The following IGSF5 variants were observed in gnomAD, a reference collection of about 807,000 sequenced individuals.
The protein encoded by IGSF5 is immunoglobulin superfamily member 5.
In IGSF5, 41 loss-of-function variants were observed where a neutral mutation model predicts 39.4. The ratio of observed to expected loss-of-function variants is 1.04; its 90% CI spans 0.81 to 1.35. The LOEUF (loss-of-function observed/expected upper bound fraction) is 1.35, where lower values mean the gene tolerates loss of function less well. IGSF5 is among the 40% of genes most tolerant of loss of function. IGSF5 has a pLI of 0.00. For synonymous variants in IGSF5, 183 were observed against 175.3 expected (o/e 1.04, Z -0.34); for missense variants, 487 against 494.6 (o/e 0.98, Z 0.15).
intron 2 of IGSF5, among the ~76,000 whole-genome samples, chr21:39,757,395 C>T (rs914574733): frequency 6.6e-6 from 1 of 151,960 alleles, no homozygotes; most frequent in Non-Finnish European, 1.5e-5. Flanking sequence ...GGTGAGGCTA[C>T]ACCATCTGCA....
intron 5 of IGSF5, among the ~76,000 whole-genome samples, chr21:39,783,511 A>G (rs1455921669): frequency 2.0e-5 from 3 of 152,132 alleles, no homozygotes; most frequent in Non-Finnish European, 4.4e-5. Flanking sequence ...TTACATGTCT[A>G]AGAAGACATC....
chr21:39,740,156 G>C, the IGSF5 span, among the ~76,000 whole-genome samples: 3 of 152,194 alleles, frequency 2.0e-5, no homozygotes, highest in Non-Finnish European at 4.4e-5. Context: ...TTCTTCTTCT[G>C]AATACTGGGG....
chr21:39,745,913 CG>C (rs1468278766), intron 1 of IGSF5, among the ~76,000 whole-genome samples: 1 of 151,348 alleles, frequency 6.6e-6, no homozygotes, highest in Non-Finnish European at 1.5e-5. Context: ...CAAAATGTTA[CG>C]GGGGGTGGGG....
Position 39,756,633 on chromosome 21 carries a change from G to A in IGSF5, c.101-8902G>A, listed in dbSNP as rs549625891. 7.0e-4 allele frequency among the ~76,000 whole-genome samples: 106 copies of A among 152,276 alleles called. 1 individual carries two copies. The highest frequency in any genetic ancestry group is 2.5e-3 in the African/African-American group (102 of 41,560). On this transcript the variant is annotated intron_variant, in intron 2 of 8. Coordinates refer to ENST00000380588, the MANE Select transcript of IGSF5 (RefSeq NM_001080444.2). ...TCCGGGTCACTGGACTCCACTCATTGGTGCTGTGGAGGAATGTTTGCAATA... is the reference window on the plus strand; with the variant it reads ...TCCGGGTCACTGGACTCCACTCATTAGTGCTGTGGAGGAATGTTTGCAATA...
chr21:39,757,134 G>A (rs1025476167), intron 2 of IGSF5, among the ~76,000 whole-genome samples: 2 of 151,774 alleles, frequency 1.3e-5, no homozygotes, highest in African/African-American at 4.8e-5. Context: ...CACCTCATTC[G>A]CTGTGCATGG....
At chr21:39,721,159 A>G in the IGSF5 span, among the ~76,000 whole-genome samples, 1 of 152,254 alleles carries the variant, frequency 6.6e-6, no homozygotes, top group Non-Finnish European at 1.5e-5. Flanking sequence ...TGAGAAGAAT[A>G]CAGGGAGACT....
At chr21:39,730,748 G>A in the IGSF5 span, 6 of 152,146 alleles carry the variant, frequency 3.9e-5, no homozygotes, top group Admixed American at 2.0e-4. Flanking sequence ...ATAATGTTCC[G>A]AAGGCAATTT....
At chr21:39,772,083 T>C (rs904552836) in intron 4 of IGSF5, among the ~76,000 whole-genome samples, 1 of 152,134 alleles carries the variant, frequency 6.6e-6, no homozygotes, top group African/African-American at 2.4e-5. Context: ...AGCCAAATAA[T>C]GATGGTAACG....
chr21:39,793,460 A>G (rs992570545), intron 7 of IGSF5, 74 bp from the exon 8 acceptor site: 3 of 1,156,064 alleles, frequency 2.6e-6, no homozygotes, highest in Non-Finnish European at 3.9e-6. Flanking sequence ...GTGTTTCTTT[A>G]TAAATCAGAA....
intron 2 of IGSF5, among the ~76,000 whole-genome samples, chr21:39,757,758 A>G (rs7282199): frequency 0.82 from 123,791 of 151,826 alleles, 50,659 homozygotes; most frequent in Admixed American, 0.86. Context: ...TGTATTTTCC[A>G]TAGAGATGGG....
chr21:39,732,990 C>T, the IGSF5 span, among the ~76,000 whole-genome samples: 7 of 151,820 alleles, frequency 4.6e-5, no homozygotes, highest in African/African-American at 7.3e-5. Flanking sequence ...CACACCACTG[C>T]ACTCTAGCCT....
chr21:39,770,830 TAAAAAA>T lies in IGSF5; in HGVS notation c.419-80_419-75del, dbSNP rs902069578. On this transcript the variant is annotated intron_variant, in intron 3 of 8. Transcript: ENST00000380588. ...ACAAAATGTAATTTGAAGCAAAACT[TAAAAAA>T]AAAAAGAAAAAAAAAAAGAAAACTT... 1.6e-5 allele frequency: 13 copies of T among 833,140 alleles called. No homozygotes were observed. The African/African-American group carries it at 2.1e-4, about 14-fold the overall frequency. The allele number at this position is 833,140 out of a possible 1,614,324, so 51.6% of individuals were successfully genotyped here. A position where few individuals can be genotyped will look rare whatever the true frequency, so the allele number is the denominator to read the frequency against.
At chr21:39,785,256 C>A (rs544882315) in intron 5 of IGSF5, among the ~76,000 whole-genome samples, 1 of 150,872 alleles carries the variant, frequency 6.6e-6, no homozygotes, top group South Asian at 2.1e-4. Flanking sequence ...TAGGCATGGG[C>A]AAGGACTTTA....
chr21:39,793,567 C>T lies in IGSF5; in HGVS notation c.1082C>T (p.Ser361Phe), dbSNP rs373969441. Residue 361 changes from serine to phenylalanine, a missense_variant, in exon 8 of 9, where the codon TCC (serine) becomes TTC (phenylalanine). Ser to Phe is a radical substitution (Grantham distance 155, BLOSUM62 -2). Coordinates refer to ENST00000380588, the MANE Select transcript of IGSF5 (RefSeq NM_001080444.2). ...TASLPPKSCE[S>F]SDPEQRNSSC... ...TCTCTCCCTCCCAAATCCTGTGAAT[C>T]CAGTGATCCTGAACAAAGAAACAGT... is the stretch of plus-strand genomic sequence containing the variant. 3.1e-6 allele frequency: 5 copies of T among 1,613,954 alleles called. No individual in the cohort carries two copies. Among genetic ancestry groups the T allele is most frequent in the Admixed American group, 3.3e-5 (2 of 59,982 alleles).
chr21:39,797,567 A>C (rs1352555132), intron 8 of IGSF5, among the ~76,000 whole-genome samples: 1 of 152,050 alleles, frequency 6.6e-6, no homozygotes, highest in Non-Finnish European at 1.5e-5. Context: ...CCCAGGCTGG[A>C]TTGCAGTGGC....
chr21:39,715,784 G>T, the IGSF5 span, among the ~76,000 whole-genome samples: 1 of 152,098 alleles, frequency 6.6e-6, no homozygotes, highest in African/African-American at 2.4e-5. Flanking sequence ...ATCATTCACG[G>T]GCTTTATAAT....
intron 5 of IGSF5, among the ~76,000 whole-genome samples, chr21:39,787,879 A>G (rs1311419885): frequency 6.6e-6 from 1 of 152,198 alleles, no homozygotes; most frequent in Admixed American, 6.5e-5. Context: ...AATAGTCACA[A>G]AGTAATAAGT....
chr21:39,753,943 A>T (rs12482872), intron 2 of IGSF5, among the ~76,000 whole-genome samples: 107,517 of 151,652 alleles, frequency 0.71, 40,800 homozygotes, highest in Non-Finnish European at 0.84. Context: ...TTTTTAGTCC[A>T]TTCTGCCATT....
chr21:39,768,582 T>C (rs945562467), intron 3 of IGSF5, among the ~76,000 whole-genome samples: 3 of 152,224 alleles, frequency 2.0e-5, no homozygotes, highest in African/African-American at 7.2e-5. Context: ...AGACCTCTTA[T>C]GTTTTGAGGG....
Sources: gnomAD v4.1 joint callset for allele counts (sites outside exome capture counted in the v4.1 genomes callset) on GRCh38, gnomAD v4.1.1 for gene constraint, MANE v1.5 for transcripts, NCBI Gene and HGNC (gene_info 2026-07-23, HGNC 2026-07-21) for gene names.